The following OMA1 variants were observed in gnomAD, a reference collection of about 807,000 sequenced individuals.
OMA1 encodes OMA1 zinc metallopeptidase.
OMA1 carries 38 observed loss-of-function variants against 30.9 expected under a neutral mutation model. That is an observed-to-expected ratio of 1.23 (90% CI 0.95 to 1.61). OMA1 has a LOEUF of 1.61. OMA1 is among the 40% of genes most tolerant of loss of function. OMA1 has a pLI of 0.00. For missense variants in OMA1, 461 were observed against 349.2 expected (o/e 1.32, Z -2.55); for synonymous variants, 173 against 121.9 (o/e 1.42, Z -2.76).
chr1:58,534,081 T>G (rs1260070322), intron 4 of OMA1, 21 bp from the exon 5 acceptor site: 1 of 868,912 alleles, frequency 1.2e-6, no homozygotes, highest in South Asian at 1.3e-5. Context: ...AAGAAAATAA[T>G]GTAAGCAATT....
At chr1:58,498,241 TA>T (rs56349030) in intron 8 of OMA1, among the ~76,000 whole-genome samples, 2,686 of 143,472 alleles carry the variant, frequency 0.019, 21 homozygotes, top group South Asian at 0.058. Context: ...AACTAAAAGT[TA>T]AAAAAAAAAA....
At chr1:58,533,453 T>G (rs1358460402) in intron 5 of OMA1, among the ~76,000 whole-genome samples, 2 of 145,212 alleles carry the variant, frequency 1.4e-5, no homozygotes, top group African/African-American at 4.9e-5. Flanking sequence ...ACTAAAAAGC[T>G]CAGTAAACTG....
intron 7 of OMA1, among the ~76,000 whole-genome samples, chr1:58,521,496 T>C (rs1646264025): frequency 6.6e-6 from 1 of 151,660 alleles, no homozygotes. Flanking sequence ...ACCCAAAAGA[T>C]GGTTTTGAAA....
At chr1:58,528,019 A>T (rs1012580482) in intron 6 of OMA1, among the ~76,000 whole-genome samples, 46 of 152,386 alleles carry the variant, frequency 3.0e-4, no homozygotes, top group African/African-American at 1.1e-3. Context: ...TTTTGAGAAA[A>T]GAGCTATTAA....
At chr1:58,500,436 A>G (rs1333303983) in intron 8 of OMA1, among the ~76,000 whole-genome samples, 5 of 152,198 alleles carry the variant, frequency 3.3e-5, no homozygotes, top group African/African-American at 4.8e-5. Flanking sequence ...TGATTTATTC[A>G]TTTACTTTGT....
At chr1:58,518,255 AGAGGGGAGAGGAGAGAG>A (rs1646194379) in intron 7 of OMA1, among the ~76,000 whole-genome samples, 4 of 22,708 alleles carry the variant, frequency 1.8e-4, no homozygotes, top group Non-Finnish European at 2.6e-4. Context: ...GGGAGAGGGG[AGAGGGGAGAGGAGAGAG>A]GAGAGGAGAA....
At chr1:58,508,662 G>A (rs1247519864) in intron 7 of OMA1, among the ~76,000 whole-genome samples, 1 of 152,080 alleles carries the variant, frequency 6.6e-6, no homozygotes, top group African/African-American at 2.4e-5. Context: ...CCTAGGAACT[G>A]GCTTCTGTCT....
intron 8 of OMA1, among the ~76,000 whole-genome samples, chr1:58,496,169 CT>C (rs375006213): frequency 1.6e-3 from 226 of 144,552 alleles, no homozygotes; most frequent in Admixed American, 2.1e-3. Flanking sequence ...TTTTTTTAGA[CT>C]TTTTTTTTTT....
intron 6 of OMA1, among the ~76,000 whole-genome samples, chr1:58,528,236 G>T (rs898023915): frequency 1.8e-4 from 28 of 152,134 alleles, no homozygotes; most frequent in Non-Finnish European, 3.8e-4. Flanking sequence ...ATAACATAAG[G>T]ATTTAAAACT....
chr1:58,539,025 A>G lies in OMA1; in HGVS notation c.270T>C (p.Ile90=), dbSNP rs1646561918. Residue 90 remains isoleucine (I), a synonymous_variant, in exon 2 of 9, where the codon ATT becomes ATC. Coordinates refer to ENST00000371226, the MANE Select transcript of OMA1 (RefSeq NM_145243.5). The part of the protein sequence containing the change: ...GGLSSTKSKE[I]WRITSKCTVW... Reference sequence around the variant, plus strand: ...CAGTACATTTGCTGGTAATCCTCCAAATTTCCTTACTTTTGGTACTTGAGA... The same window carrying G: ...CAGTACATTTGCTGGTAATCCTCCAGATTTCCTTACTTTTGGTACTTGAGA... 1 of 872,664 alleles carries G rather than the reference A, an allele frequency of 1.1e-6. No individual in the cohort carries two copies. Among genetic ancestry groups the G allele is most frequent in the Admixed American group, 1.7e-5 (1 of 59,134 alleles). 54.1% of individuals were successfully genotyped at this position (872,664 alleles called of 1,614,324 possible). A position where few individuals can be genotyped will look rare whatever the true frequency, so the allele number is the denominator to read the frequency against.
intron 8 of OMA1, among the ~76,000 whole-genome samples, chr1:58,491,752 C>A (rs921257301): frequency 1.8e-4 from 27 of 152,258 alleles, no homozygotes; most frequent in African/African-American, 6.3e-4. Context: ...CAGGAGCACC[C>A]AGATTCATAA....
chr1:58,489,341 A>T (rs1039115260), intron 8 of OMA1, among the ~76,000 whole-genome samples: 1 of 152,234 alleles, frequency 6.6e-6, no homozygotes, highest in Non-Finnish European at 1.5e-5. Context: ...AGCCTCGCTC[A>T]TTACTAGCAC....
chr1:58,532,467 C>CAT, intron 5 of OMA1, among the ~76,000 whole-genome samples: 1 of 152,282 alleles, frequency 6.6e-6, no homozygotes, highest in Non-Finnish European at 1.5e-5. Context: ...TATTAGAGTG[C>CAT]ATATAATAAC....
chr1:58,541,614 C>CAAAAAAAAAAAAAAAAAAAAAAAAAA (rs60360589), intron 1 of OMA1: 9 of 65,630 alleles, frequency 1.4e-4, no homozygotes, highest in Admixed American at 4.6e-4. Context: ...GAGAACCTGT[C>CAAAAAAAAAAAAAAAAAAAAAAAAAA]AAAAAAAAAA....
rs1370636820 is a variant in OMA1, at chr1:58,538,398, T to C, written c.500+397A>G. 2.6e-5 allele frequency among the ~76,000 whole-genome samples: 4 copies of C among 152,274 alleles called. No individual in the cohort carries two copies. In the East Asian group the frequency reaches 7.7e-4, roughly 29 times the overall value. ...GATTTGCTGCCTTAAATTCCACAAA[T>C]TAAAAAGAAATGTTTGTAAGTACTC... On this transcript the variant is annotated intron_variant, in intron 2 of 8. Transcript: ENST00000371226.
At chr1:58,496,186 T>C (rs1333569407) in intron 8 of OMA1, among the ~76,000 whole-genome samples, 3 of 152,128 alleles carry the variant, frequency 2.0e-5, no homozygotes, top group Non-Finnish European at 2.9e-5. Flanking sequence ...TTTTTGGCTT[T>C]GGGCATTTTA....
intron 7 of OMA1, among the ~76,000 whole-genome samples, chr1:58,524,518 G>A (rs1646319287): frequency 6.6e-6 from 1 of 152,160 alleles, no homozygotes; most frequent in South Asian, 2.1e-4. Flanking sequence ...CACATAAAAG[G>A]TGCATCTTCT....
chr1:58,527,431 A>C (rs1569955212), intron 6 of OMA1, 96 bp from the exon 7 acceptor site: 2 of 695,658 alleles, frequency 2.9e-6, no homozygotes, highest in East Asian at 5.2e-5. Flanking sequence ...TTCATGGAGT[A>C]TCTAGGATAA....
intron 8 of OMA1, among the ~76,000 whole-genome samples, chr1:58,493,820 A>G (rs1645744395): frequency 6.6e-6 from 1 of 152,138 alleles, no homozygotes; most frequent in Non-Finnish European, 1.5e-5. Flanking sequence ...AAGAATCAAT[A>G]TGGTGAAAAT....
Sources: allele counts gnomAD v4.1 joint callset (sites outside exome capture counted in the v4.1 genomes callset), GRCh38; gene constraint gnomAD v4.1.1; transcripts MANE v1.5; gene names NCBI Gene and HGNC (gene_info 2026-07-23, HGNC 2026-07-21).